RPS6KA6: variants seen among roughly 807,000 people sequenced by gnomAD.
RPS6KA6 encodes the protein ribosomal protein S6 kinase alpha-6.
A neutral mutation model predicts 65.4 loss-of-function variants in RPS6KA6; 27 were observed. The observed-to-expected ratio is 0.41, with a 90% CI of 0.30 to 0.57. RPS6KA6 has a LOEUF of 0.57. Ranked by LOEUF, RPS6KA6 falls within the 20% of genes least tolerant of loss-of-function variation. The probability of loss-of-function intolerance (pLI) is 0.24; values close to 1 mark genes in which losing one functional copy is unlikely to be tolerated. For synonymous variants in RPS6KA6, 190 were observed against 184.2 expected, an observed-to-expected ratio of 1.03 and a Z score of -0.26; for missense variants, 486 against 555.6, an observed-to-expected ratio of 0.87 and a Z score of 1.26.
At chrX:84,124,814 A>C (rs2034746057) in intron 8 of RPS6KA6, among the ~76,000 whole-genome samples, 1 of 111,695 alleles carries the variant, frequency 9.0e-6, no homozygotes, top group African/African-American at 3.3e-5. Context: ...AGAAAGTTAT[A>C]GAACATCCAA....
At chrX:84,135,943 T>A (rs1052767741) in intron 6 of RPS6KA6, among the ~76,000 whole-genome samples, 2 of 111,931 alleles carry the variant, frequency 1.8e-5, no homozygotes, top group Admixed American at 9.5e-5. Flanking sequence ...CACTTAGCCC[T>A]TTGGGCCTCA....
intron 11 of RPS6KA6, among the ~76,000 whole-genome samples, chrX:84,116,500 G>A (rs1310345555): frequency 9.0e-6 from 1 of 111,023 alleles, no homozygotes; most frequent in Non-Finnish European, 1.9e-5. Context: ...ACAATAAAGT[G>A]TCTCCCAAAT....
intron 8 of RPS6KA6, among the ~76,000 whole-genome samples, chrX:84,125,499 A>G (rs2034765195): frequency 9.0e-6 from 1 of 111,605 alleles, no homozygotes; most frequent in African/African-American, 3.3e-5. Flanking sequence ...GAGGTATTAG[A>G]TCATATTGGC....
chrX:84,086,108 C>T (rs1257037020), intron 20 of RPS6KA6, among the ~76,000 whole-genome samples: 1 of 110,809 alleles, frequency 9.0e-6, no homozygotes, highest in Non-Finnish European at 1.9e-5. Context: ...TTTTAAAAAT[C>T]AGCCCCTGGT....
At chrX:84,070,466 C>T (rs961823995) in intron 20 of RPS6KA6, among the ~76,000 whole-genome samples, 1 of 110,430 alleles carries the variant, frequency 9.1e-6, no homozygotes. Context: ...AACTGAATGA[C>T]GGGTTGCTAG....
At chrX:84,176,455 T>C (rs1294195949) in intron 1 of RPS6KA6, among the ~76,000 whole-genome samples, 1 of 112,187 alleles carries the variant, frequency 8.9e-6, no homozygotes, top group African/African-American at 3.2e-5. Context: ...CACATTAAAA[T>C]ACTACCTTTG....
chrX:84,079,704 C>T (rs1000718174), intron 20 of RPS6KA6, among the ~76,000 whole-genome samples: 1 of 111,914 alleles, frequency 8.9e-6, no homozygotes, highest in African/African-American at 3.3e-5. Context: ...TAAACAAAGC[C>T]ACCCGGAAAG....
chrX:84,103,947 T>C (rs1253555596), intron 17 of RPS6KA6, among the ~76,000 whole-genome samples: 1 of 111,013 alleles, frequency 9.0e-6, no homozygotes, highest in East Asian at 2.8e-4. Context: ...TTTGTTTTTT[T>C]ATACAGTTAT....
chrX:84,162,544 T>C (rs1233415043), intron 2 of RPS6KA6, among the ~76,000 whole-genome samples: 1 of 111,707 alleles, frequency 9.0e-6, no homozygotes, highest in African/African-American at 3.3e-5. Flanking sequence ...TAGCACTGTA[T>C]ATTTTTACTG....
intron 1 of RPS6KA6, among the ~76,000 whole-genome samples, chrX:84,175,344 T>C (rs1432738281): frequency 1.8e-5 from 2 of 111,571 alleles, no homozygotes; most frequent in African/African-American, 6.5e-5. Flanking sequence ...GTACTTTAAA[T>C]GATCTCTATT....
At chrX:84,162,536 G>A (rs1171840396) in intron 2 of RPS6KA6, among the ~76,000 whole-genome samples, 1 of 111,419 alleles carries the variant, frequency 9.0e-6, no homozygotes, top group Non-Finnish European at 1.9e-5. Context: ...TAAGTAACTA[G>A]CACTGTATAT....
chrX:84,108,947 C>T (rs1156761380), intron 12 of RPS6KA6, among the ~76,000 whole-genome samples: 2 of 112,140 alleles, frequency 1.8e-5, no homozygotes, highest in African/African-American at 6.5e-5. Context: ...AGCACAGCTG[C>T]CCTGCCCTTA....
chrX:84,165,231 T>G (rs1210762803), intron 1 of RPS6KA6, among the ~76,000 whole-genome samples: 3 of 109,603 alleles, frequency 2.7e-5, no homozygotes, highest in African/African-American at 9.9e-5. Context: ...GAAGACGAAC[T>G]AGATAAAAAG....
chrX:84,111,087 T>C (rs908086806), intron 12 of RPS6KA6, among the ~76,000 whole-genome samples: 2 of 107,963 alleles, frequency 1.9e-5, no homozygotes, highest in Non-Finnish European at 3.8e-5. Flanking sequence ...TACTAGACCA[T>C]GCATAAGAAA....
At chrX:84,134,875 T>G (rs1200736597) in intron 7 of RPS6KA6, 56 bp from the exon 8 acceptor site, 10 of 894,283 alleles carry the variant, frequency 1.1e-5, no homozygotes, top group Non-Finnish European at 1.6e-5. Flanking sequence ...ACATAAAACA[T>G]TTACATAAAA....
At chrX:84,093,721 C>T (rs1214062127) in intron 20 of RPS6KA6, among the ~76,000 whole-genome samples, 14 of 111,627 alleles carry the variant, frequency 1.3e-4, no homozygotes, top group Non-Finnish European at 2.4e-4. Flanking sequence ...TTTTTTTTTG[C>T]ATTTTTAAAA....
chrX:84,124,623 T>TA (rs200401555), intron 8 of RPS6KA6, among the ~76,000 whole-genome samples: 5,139 of 91,906 alleles, frequency 0.056, 192 homozygotes, highest in East Asian at 0.22. Flanking sequence ...GAGACAAAAT[T>TA]AAAAAAAAAA....
At chrX:84,186,035 C>T (rs977082453) in intron 1 of RPS6KA6, 1 of 510,169 alleles carries the variant, frequency 2.0e-6, no homozygotes, top group Non-Finnish European at 3.5e-6. Flanking sequence ...AGAAAGAAGG[C>T]AGAAATACTA....
chrX:84,059,984 G>A lies in RPS6KA6; in HGVS notation c.*4293C>T, dbSNP rs1382233059. On this transcript the variant is annotated 3_prime_UTR_variant, in exon 22 of 22. Transcript: ENST00000262752. The stretch of plus-strand genomic sequence containing the variant: ...CTATAATTTAATATATTCAAGTATA[G>A]TTCCCTTTTCTCTTATGTATTAGCA... 9.0e-6 allele frequency: 1 copy of A among 111,721 alleles called. No homozygotes were observed. Among genetic ancestry groups the A allele is most frequent in the Non-Finnish European group, 1.9e-5 (1 of 53,112 alleles). The allele number at this position is 111,721 out of a possible 1,213,427, so 9.2% of individuals were successfully genotyped here. A position where few individuals can be genotyped will look rare whatever the true frequency, so the allele number is the denominator to read the frequency against.
Sources: gnomAD v4.1 joint callset for allele counts (sites outside exome capture counted in the v4.1 genomes callset) on GRCh38, gnomAD v4.1.1 for gene constraint, MANE v1.5 for transcripts, NCBI Gene and HGNC (gene_info 2026-07-23, HGNC 2026-07-21) for gene names.